USH2A: variants seen among roughly 807,000 people sequenced by gnomAD.
USH2A encodes the protein usherin.
Under a neutral mutation model 538.9 loss-of-function variants are expected in USH2A, and 443 were observed. That is an observed-to-expected ratio of 0.82 (90% CI 0.76 to 0.89). The LOEUF is 0.89. USH2A is among the 40% of genes least tolerant of loss of function. The probability of loss-of-function intolerance (pLI) is 0.00; values close to 1 mark genes in which losing one functional copy is unlikely to be tolerated. For missense variants in USH2A, 6,633 were observed against 6,324.8 expected (o/e 1.05, Z -1.65); for synonymous variants, 2,413 against 2,273.5 (o/e 1.06, Z -1.75).
At position 215,639,186 on chromosome 1, in the gene USH2A, C is replaced by T. The variant is rs764947147; in HGVS notation, c.15021G>A (p.Pro5007=). Residue 5007 remains proline (P), a synonymous_variant, in exon 69 of 72, where the codon CCG becomes CCA. Transcript: ENST00000307340. ...CTTDEGSVKT[P]LIQYDTSTGL... is the part of the protein sequence containing the mutation. ...CAGTAGAGGTATCATATTGGATCAA[C>T]GGCGTCTTAACACTTCCTTCGTCAG... The T allele has an allele frequency of 8.1e-6, 13 of 1,613,904 alleles. No homozygotes were observed. Among genetic ancestry groups the T allele is most frequent in the South Asian group, 6.6e-5 (6 of 91,082 alleles).
In USH2A at chr1:216,122,878, T is replaced by C. The variant is rs183105129; in HGVS notation, c.4628-25665A>G. Among the ~76,000 whole-genome samples, 323 of 152,302 alleles carry C rather than the reference T, an allele frequency of 2.1e-3. 1 individual carries two copies. Among genetic ancestry groups the C allele is most frequent in the African/African-American group, 7.6e-3 (314 of 41,564 alleles). On this transcript the variant is annotated intron_variant, in intron 21 of 71. Transcript: ENST00000307340. ...ATACAATTAAACTATAGAAAATTGC[T>C]TTTTATCAAGGTCAGATGTACTAGT...
chr1:216,265,525 A>G (rs932281535), intron 11 of USH2A, among the ~76,000 whole-genome samples: 11 of 152,074 alleles, frequency 7.2e-5, no homozygotes, highest in Non-Finnish European at 1.5e-4. Flanking sequence ...TGAAATCAGT[A>G]CGTTGAAGAG....
At chr1:216,377,305 T>C (rs1558061388) in intron 3 of USH2A, among the ~76,000 whole-genome samples, 1 of 152,302 alleles carries the variant, frequency 6.6e-6, no homozygotes, top group South Asian at 2.1e-4. Flanking sequence ...GTCTAAGCAG[T>C]TTTTGCACAA....
intron 20 of USH2A, among the ~76,000 whole-genome samples, chr1:216,180,268 G>T (rs953278401): frequency 6.6e-6 from 1 of 151,926 alleles, no homozygotes; most frequent in Non-Finnish European, 1.5e-5. Context: ...AATATACAAA[G>T]TTTAAAATGA....
At chr1:216,095,829 T>C (rs950242185) in intron 22 of USH2A, among the ~76,000 whole-genome samples, 7 of 152,166 alleles carry the variant, frequency 4.6e-5, no homozygotes, top group Admixed American at 2.6e-4. Flanking sequence ...CCAGGGTTCA[T>C]GAGGCTGAGA....
intron 11 of USH2A, among the ~76,000 whole-genome samples, chr1:216,259,130 C>T (rs975652238): frequency 5.3e-5 from 8 of 152,190 alleles, no homozygotes; most frequent in African/African-American, 1.9e-4. Flanking sequence ...CTTCAATCCC[C>T]TCATCAGCAC....
At chr1:216,392,535 C>T (rs1462056009) in intron 3 of USH2A, among the ~76,000 whole-genome samples, 1 of 149,984 alleles carries the variant, frequency 6.7e-6, no homozygotes, top group Non-Finnish European at 1.5e-5. Context: ...TGTAGCAGTT[C>T]CCTGAACTCT....
intron 44 of USH2A, among the ~76,000 whole-genome samples, chr1:215,852,919 G>C (rs1664057184): frequency 6.6e-6 from 1 of 152,182 alleles, no homozygotes; most frequent in Admixed American, 6.5e-5. Context: ...TCACAGGTTG[G>C]CATTGTCTGT....
In USH2A at chr1:215,900,640, G is replaced by C. The variant is rs1665468636; in HGVS notation, c.7451+115C>G. On this transcript the variant is annotated intron_variant, in intron 39 of 71. Coordinates refer to ENST00000307340, the MANE Select transcript of USH2A (RefSeq NM_206933.4). ...TCCTCTAATTGTTTGGGGTTTTTTT[G>C]TACTTTTAAAAGGTAACCTATATTT... The C allele has an allele frequency of 2.2e-6, 3 of 1,353,878 alleles. No individual in the cohort carries two copies. The African/African-American group carries it at 4.3e-5, about 20-fold the overall frequency. 83.9% of individuals were successfully genotyped at this position (1,353,878 alleles called of 1,614,324 possible).
intron 21 of USH2A, among the ~76,000 whole-genome samples, chr1:216,152,181 T>C (rs1183351208): frequency 1.3e-5 from 2 of 152,180 alleles, no homozygotes; most frequent in African/African-American, 2.4e-5. Flanking sequence ...TATTTTGTTT[T>C]ATTTTTCTTA....
intron 3 of USH2A, among the ~76,000 whole-genome samples, chr1:216,394,220 G>T (rs1200495975): frequency 6.6e-6 from 1 of 152,206 alleles, no homozygotes; most frequent in Non-Finnish European, 1.5e-5. Flanking sequence ...CTGACATTTT[G>T]CTGGTGAGAA....
In USH2A at chr1:216,264,565, TG is replaced by T. The variant is rs1226959947; in HGVS notation, c.1972-13468del. ...TGTCCAACTCAGCCTCCCAAAGTGC[TG>T]GGATTACAGGCGTGAGCCACCCCAC... On this transcript the variant is annotated intron_variant, in intron 11 of 71. Transcript: ENST00000307340. Among the ~76,000 whole-genome samples the T allele has an allele frequency of 3.3e-5, 5 of 152,280 alleles. No individual in the cohort carries two copies. In the East Asian group the frequency reaches 9.7e-4, roughly 29 times the overall value.
intron 32 of USH2A, among the ~76,000 whole-genome samples, chr1:216,024,985 T>G (rs1231001116): frequency 1.3e-5 from 2 of 151,974 alleles, no homozygotes; most frequent in African/African-American, 2.4e-5. Context: ...GAGATTGAGC[T>G]ACTTATAAGA....
rs143910183 is a variant in USH2A, at chr1:216,267,582, G to A, written c.1972-16484C>T. Among the ~76,000 whole-genome samples, 952 of 152,178 alleles carry A rather than the reference G, an allele frequency of 6.3e-3. 4 individuals carry two copies. The highest frequency in any genetic ancestry group is 0.01 in the Non-Finnish European group (694 of 67,998). On this transcript the variant is annotated intron_variant, in intron 11 of 71. Coordinates refer to ENST00000307340, the MANE Select transcript of USH2A (RefSeq NM_206933.4). ...ATGGGAGAAGTCAAGTTCACAGCCT[G>A]TCTCACCAGGCACCACGACATCTCT...
intron 26 of USH2A, chr1:216,079,310 T>C (rs1371346463): frequency 1.3e-5 from 2 of 152,178 alleles, no homozygotes; most frequent in Non-Finnish European, 2.9e-5. Context: ...AGAGTCATAC[T>C]GTCTAGTAGC....
chr1:215,965,221 T>G, intron 37 of USH2A, 96 bp downstream of exon 37: 5 of 1,360,744 alleles, frequency 3.7e-6, no homozygotes, highest in Non-Finnish European at 4.1e-6. Context: ...CCAACATCTG[T>G]GGCTAAAAGA....
chr1:215,795,260 A>G (rs1430307492), intron 50 of USH2A, among the ~76,000 whole-genome samples: 1 of 152,196 alleles, frequency 6.6e-6, no homozygotes, highest in Non-Finnish European at 1.5e-5. Context: ...AGCTCAAGCC[A>G]CACCTGCCAA....
chr1:216,321,837 C>G (rs371425225), intron 9 of USH2A, 46 bp downstream of exon 9: 35 of 1,502,616 alleles, frequency 2.3e-5, no homozygotes, highest in Middle Eastern at 3.5e-4. Flanking sequence ...TAGTCACCAT[C>G]TCTACTATTT....
intron 64 of USH2A, 61 bp from the exon 65 acceptor site, chr1:215,650,862 A>G: frequency 6.3e-7 from 1 of 1,579,954 alleles, no homozygotes; most frequent in Non-Finnish European, 8.6e-7. Context: ...GGAAAAAAAA[A>G]AAAAAAAGAA....
Sources: gnomAD v4.1 joint callset for allele counts (sites outside exome capture counted in the v4.1 genomes callset) on GRCh38, gnomAD v4.1.1 for gene constraint, MANE v1.5 for transcripts, NCBI Gene and HGNC (gene_info 2026-07-23, HGNC 2026-07-21) for gene names.